Variants in CNTNAP2 observed in about 807,000 individuals in gnomAD.
The protein encoded by CNTNAP2 is contactin associated protein 2.
A neutral mutation model predicts 155.2 loss-of-function variants in CNTNAP2; 98 were observed. The ratio of observed to expected loss-of-function variants is 0.63; its 90% CI spans 0.54 to 0.75. The LOEUF (loss-of-function observed/expected upper bound fraction) is 0.75, where lower values mean the gene tolerates loss of function less well. Ranked by LOEUF, CNTNAP2 falls within the 30% of genes least tolerant of loss-of-function variation. CNTNAP2 has a pLI of 0.00. For synonymous variants in CNTNAP2, 651 were observed against 631.2 expected (o/e 1.03, Z -0.47); for missense variants, 1,727 against 1,688.1 (o/e 1.02, Z -0.40).
intron 20 of CNTNAP2, among the ~76,000 whole-genome samples, chr7:148,262,378 G>C (rs1037515743): frequency 2.0e-5 from 3 of 152,142 alleles, no homozygotes; most frequent in Non-Finnish European, 4.4e-5. Flanking sequence ...GTAACAAATT[G>C]CCACAAACTT....
chr7:148,296,707 A>C (rs1447997112), intron 21 of CNTNAP2, among the ~76,000 whole-genome samples: 1 of 152,204 alleles, frequency 6.6e-6, no homozygotes, highest in Non-Finnish European at 1.5e-5. Flanking sequence ...ATCCTCCCAC[A>C]CGATGGTGCC....
At chr7:146,730,561 C>T (rs1439232320) in intron 1 of CNTNAP2, among the ~76,000 whole-genome samples, 1 of 152,068 alleles carries the variant, frequency 6.6e-6, no homozygotes, top group African/African-American at 2.4e-5. Flanking sequence ...TTTTCTTTTA[C>T]CTGATTCATT....
chr7:147,277,517 G>C (rs904626771), intron 8 of CNTNAP2, among the ~76,000 whole-genome samples: 4 of 151,894 alleles, frequency 2.6e-5, no homozygotes, highest in Admixed American at 2.0e-4. Context: ...TTGAACTCCT[G>C]AGTTTAGCCA....
intron 4 of CNTNAP2, among the ~76,000 whole-genome samples, chr7:147,096,668 A>G (rs946979627): frequency 4.6e-5 from 7 of 152,214 alleles, no homozygotes; most frequent in Admixed American, 3.3e-4. Context: ...GAAGCTACAA[A>G]TCATTTTATC....
intron 10 of CNTNAP2, among the ~76,000 whole-genome samples, chr7:147,447,107 C>T (rs959183012): frequency 6.6e-6 from 1 of 152,002 alleles, no homozygotes; most frequent in African/African-American, 2.4e-5. Flanking sequence ...AGAAGAGATT[C>T]AGAAGAGACA....
intron 13 of CNTNAP2, among the ~76,000 whole-genome samples, chr7:147,739,875 A>C (rs10952708): frequency 0.68 from 102,783 of 152,022 alleles, 36,959 homozygotes; most frequent in East Asian, 0.97. Context: ...TTACATATCT[A>C]TTGAATACTG....
chr7:148,262,520 T>A (rs1001008518), intron 20 of CNTNAP2, among the ~76,000 whole-genome samples: 5 of 152,122 alleles, frequency 3.3e-5, no homozygotes. Flanking sequence ...ATCTGTTTCC[T>A]TGCCTTTCTC....
chr7:147,251,457 G>A lies in CNTNAP2; in HGVS notation c.1349-48684G>A, dbSNP rs914133799. On this transcript the variant is annotated intron_variant, in intron 8 of 23. Coordinates refer to ENST00000361727, the MANE Select transcript of CNTNAP2 (RefSeq NM_014141.6). ...AGATAGGTAGGTAGGTAGGTAGGTAGGTAGGTTATGTGTGGTTTGCAATAT... is the reference window on the plus strand; with the variant it reads ...AGATAGGTAGGTAGGTAGGTAGGTAAGTAGGTTATGTGTGGTTTGCAATAT... Among the ~76,000 whole-genome samples, 4 of 152,184 alleles carry A rather than the reference G, an allele frequency of 2.6e-5. No individual in the cohort carries two copies. The East Asian group carries it at 5.8e-4, about 22-fold the overall frequency.
At chr7:146,404,124 CAA>C (rs1163559597) in intron 1 of CNTNAP2, among the ~76,000 whole-genome samples, 10 of 72,772 alleles carry the variant, frequency 1.4e-4, no homozygotes, top group East Asian at 4.2e-4. Flanking sequence ...GACTCCGTCT[CAA>C]AAAAAAAAAA....
chr7:146,199,212 G>C (rs1472021089), intron 1 of CNTNAP2, among the ~76,000 whole-genome samples: 1 of 152,110 alleles, frequency 6.6e-6, no homozygotes, highest in African/African-American at 2.4e-5. Context: ...CTTAGAGATA[G>C]AATCCAGCAA....
intron 21 of CNTNAP2, among the ~76,000 whole-genome samples, chr7:148,287,763 G>GTCTC (rs1797107466): frequency 6.6e-6 from 1 of 151,234 alleles, no homozygotes; most frequent in Non-Finnish European, 1.5e-5. Context: ...GTCAACTCAG[G>GTCTC]TCTCTCTTCC....
At chr7:148,048,844 G>T (rs1468336824) in intron 15 of CNTNAP2, among the ~76,000 whole-genome samples, 7 of 152,136 alleles carry the variant, frequency 4.6e-5, no homozygotes, top group Non-Finnish European at 1.0e-4. Context: ...AAGTGGCCAG[G>T]ACCTGAGAAA....
chr7:147,656,258 T>C (rs71530792), intron 13 of CNTNAP2, among the ~76,000 whole-genome samples: 1 of 152,248 alleles, frequency 6.6e-6, no homozygotes, highest in African/African-American at 2.4e-5. Context: ...CTTTCATCTG[T>C]TCACTGGAGT....
At chr7:147,476,912 A>T (rs1798332101) in intron 10 of CNTNAP2, among the ~76,000 whole-genome samples, 1 of 142,444 alleles carries the variant, frequency 7.0e-6, no homozygotes, top group Admixed American at 7.3e-5. Flanking sequence ...TGGGTGACAG[A>T]GCGAGACTCT....
intron 13 of CNTNAP2, among the ~76,000 whole-genome samples, chr7:147,874,167 G>A (rs1031767727): frequency 7.2e-5 from 11 of 152,096 alleles, no homozygotes; most frequent in African/African-American, 2.7e-4. Flanking sequence ...CCATTCTGGG[G>A]TCTGGAGGAC....
At chr7:148,206,684 A>G (rs1236172663) in intron 18 of CNTNAP2, among the ~76,000 whole-genome samples, 1 of 152,204 alleles carries the variant, frequency 6.6e-6, no homozygotes, top group Non-Finnish European at 1.5e-5. Context: ...CTCTCCCCAG[A>G]CAATCAGATC....
At chr7:147,939,196 T>TA (rs1422996884) in intron 14 of CNTNAP2, among the ~76,000 whole-genome samples, 33 of 152,160 alleles carry the variant, frequency 2.2e-4, no homozygotes, top group African/African-American at 6.5e-4. Context: ...ACCAGAAACC[T>TA]AAAAAATAGG....
intron 13 of CNTNAP2, among the ~76,000 whole-genome samples, chr7:147,654,492 T>C (rs73472806): frequency 0.015 from 2,280 of 152,354 alleles, 51 homozygotes; most frequent in African/African-American, 0.052. Flanking sequence ...AACTCATCCA[T>C]TAAAGTTTTA....
intron 15 of CNTNAP2, among the ~76,000 whole-genome samples, chr7:148,037,301 T>C (rs192028433): frequency 1.3e-5 from 2 of 152,326 alleles, no homozygotes; most frequent in African/African-American, 4.8e-5. Flanking sequence ...ATGTAAAGAA[T>C]TATTTAAAAG....
Sources: gnomAD v4.1 joint callset for allele counts (sites outside exome capture counted in the v4.1 genomes callset) on GRCh38, gnomAD v4.1.1 for gene constraint, MANE v1.5 for transcripts, NCBI Gene and HGNC (gene_info 2026-07-23, HGNC 2026-07-21) for gene names.